Variants in FAM118B observed in about 807,000 individuals in gnomAD.
FAM118B encodes SIR2 antiphage like 1, also known as protein FAM118B.
Under a neutral mutation model 38.5 loss-of-function variants are expected in FAM118B, and 24 were observed. The observed-to-expected ratio is 0.62, with a 90% CI of 0.45 to 0.88. The LOEUF is 0.88. Among genes scored for constraint, FAM118B ranks in the 40% least tolerant of loss-of-function variants. The probability of loss-of-function intolerance (pLI) is 0.00; values close to 1 mark genes in which losing one functional copy is unlikely to be tolerated. For missense variants in FAM118B, 334 were observed against 420.0 expected (o/e 0.80, Z 1.79); for synonymous variants, 138 against 156.3 (o/e 0.88, Z 0.87).
chr11:126,235,349 A>T (rs1024689164), intron 3 of FAM118B, among the ~76,000 whole-genome samples: 1 of 152,124 alleles, frequency 6.6e-6, no homozygotes, highest in Non-Finnish European at 1.5e-5. Context: ...TCTAATGTTG[A>T]CATCCATGTT....
In FAM118B at chr11:126,262,877, G is replaced by A. The variant is rs1174961161; in HGVS notation, c.*744G>A. 1 of 152,662 alleles carries A rather than the reference G, an allele frequency of 6.6e-6. No homozygotes were observed. The highest frequency in any genetic ancestry group is 2.4e-5 in the African/African-American group (1 of 41,452). 9.5% of individuals were successfully genotyped at this position (152,662 alleles called of 1,614,324 possible). Reference sequence around the variant, plus strand: ...ACATATGTCCTAGAACTACAGTTAAGTGTGTTGTGGAATTTTAGTTTTGAA... The same window carrying A: ...ACATATGTCCTAGAACTACAGTTAAATGTGTTGTGGAATTTTAGTTTTGAA... On this transcript the variant is annotated 3_prime_UTR_variant, in exon 9 of 9. Coordinates refer to ENST00000533050, the MANE Select transcript of FAM118B (RefSeq NM_024556.4).
chr11:126,248,070 A>G (rs1007972476), intron 4 of FAM118B, among the ~76,000 whole-genome samples: 1 of 150,130 alleles, frequency 6.7e-6, no homozygotes, highest in Non-Finnish European at 1.5e-5. Flanking sequence ...CACCTGAACC[A>G]GAGAGGCAGA....
At chr11:126,218,108 A>G (rs549616153) in intron 1 of FAM118B, among the ~76,000 whole-genome samples, 97 of 152,124 alleles carry the variant, frequency 6.4e-4, no homozygotes, top group Non-Finnish European at 1.0e-3. Flanking sequence ...TTCTTGTACT[A>G]TTTCTGTGAT....
intron 2 of FAM118B, among the ~76,000 whole-genome samples, chr11:126,230,232 T>G (rs563629344): frequency 6.6e-6 from 1 of 152,356 alleles, no homozygotes; most frequent in South Asian, 2.1e-4. Context: ...ATTCATCAAC[T>G]ACCCAAGCAA....
intron 1 of FAM118B, among the ~76,000 whole-genome samples, chr11:126,215,465 G>A (rs764630706): frequency 2.7e-4 from 40 of 150,392 alleles, no homozygotes; most frequent in Admixed American, 2.4e-3. Flanking sequence ...TTGGGAGGCC[G>A]AGGTGGGCGG....
chr11:126,212,093 C>A (rs1949888624), intron 1 of FAM118B, among the ~76,000 whole-genome samples: 1 of 152,312 alleles, frequency 6.6e-6, no homozygotes, highest in East Asian at 1.9e-4. Flanking sequence ...TCCGCCAGTC[C>A]CCTGCGGGAC....
Position 126,250,668 on chromosome 11 carries a change from T to C in FAM118B, c.502T>C (p.Leu168=), listed in dbSNP as rs1186786143. 2 of 1,614,072 alleles carry C rather than the reference T, an allele frequency of 1.2e-6. No homozygotes were observed. Among genetic ancestry groups the C allele is most frequent in the Non-Finnish European group, 1.7e-6 (2 of 1,179,962 alleles). ...ATTAACTACAAATTTTGATAATCTC[T>C]TGGAACTGTATGCAGCAGATCAGGG... The part of the protein sequence containing the change: ...LVLTTNFDNL[L]ELYAADQGKQ... The change falls in exon 5 of 9, where the codon TTG becomes CTG. Residue 168 remains leucine (L), a synonymous_variant. Transcript: ENST00000533050. The surrounding 1 kb of genome is among the most constrained non-coding windows in gnomAD (Gnocchi z 5.1).
At chr11:126,234,303 T>TA (rs1950243964) in intron 2 of FAM118B, among the ~76,000 whole-genome samples, 1 of 152,228 alleles carries the variant, frequency 6.6e-6, no homozygotes, top group South Asian at 2.1e-4. Flanking sequence ...CTTAGAACTT[T>TA]ATAGTATTCA....
chr11:126,262,207 T>C lies in FAM118B; in HGVS notation c.*74T>C. On this transcript the variant is annotated 3_prime_UTR_variant, in exon 9 of 9. Coordinates refer to ENST00000533050, the MANE Select transcript of FAM118B (RefSeq NM_024556.4). ...TACAGACAGTGTTTAACAAGTAAAC[T>C]TACAAGAACCCAACACAATTCCCAG... 1 of 1,518,512 alleles carries C rather than the reference T, an allele frequency of 6.6e-7. No homozygotes were observed. Among genetic ancestry groups the C allele is most frequent in the South Asian group, 1.1e-5 (1 of 88,004 alleles). The allele number at this position is 1,518,512 out of a possible 1,614,324, so 94.1% of individuals were successfully genotyped here. A position where few individuals can be genotyped will look rare whatever the true frequency, so the allele number is the denominator to read the frequency against.
At position 126,250,719 on chromosome 11, in the gene FAM118B, A is replaced by G. The variant is rs1950492283; in HGVS notation, c.553A>G (p.Thr185Ala). The change falls in exon 5 of 9, where the codon ACT (threonine) becomes GCT (alanine). Residue 185 changes from threonine (T) to alanine (A), a missense_variant. Around this residue, in one of 3 missense-constraint regions of FAM118B, gnomAD observed 240 missense variants for 295.9 expected, o/e 0.81. Coordinates refer to ENST00000533050, the MANE Select transcript of FAM118B (RefSeq NM_024556.4). This position sits in a 1 kb window ranked among gnomAD's most constrained non-coding sequence, Gnocchi z 5.1. ...GAAACAGCTTGAATCCCTTGACCTT[A>G]CTGATGAGAAAAAGGTAAAAAGTAA... is the stretch of plus-strand genomic sequence containing the variant. ...QGKQLESLDL[T>A]DEKKVLEWAQ... 6.2e-7 allele frequency: 1 copy of G among 1,612,416 alleles called. No homozygotes were observed. Among genetic ancestry groups the G allele is most frequent in the Admixed American group, 1.7e-5 (1 of 59,950 alleles).
At position 126,255,390 on chromosome 11, in the gene FAM118B, T is replaced by C. The variant is rs1950562543; in HGVS notation, c.696+957T>C. 6.6e-6 allele frequency among the ~76,000 whole-genome samples: 1 copy of C among 152,148 alleles called. No individual in the cohort carries two copies. Among genetic ancestry groups the C allele is most frequent in the African/African-American group, 2.4e-5 (1 of 41,418 alleles). ...AAAGCACAAGGGACTTTTTTTTCTTTTTACCCATTCTTTCCCAACATCTGC... is the reference window on the plus strand; with the variant it reads ...AAAGCACAAGGGACTTTTTTTTCTTCTTACCCATTCTTTCCCAACATCTGC... On this transcript the variant is annotated intron_variant, in intron 6 of 8. Coordinates refer to ENST00000533050, the MANE Select transcript of FAM118B (RefSeq NM_024556.4). This position sits in a 1 kb window ranked among gnomAD's most constrained non-coding sequence, Gnocchi z 4.6.
chr11:126,261,270 T>C (rs962591570), intron 7 of FAM118B, 155 bp from the exon 8 acceptor site: 42 of 625,680 alleles, frequency 6.7e-5, no homozygotes, highest in African/African-American at 6.1e-4. Context: ...CAGTTTATCC[T>C]CTCTGCCTCC....
In FAM118B at chr11:126,261,437, G is replaced by C. The variant is rs548623390; in HGVS notation, c.995G>C (p.Arg332Thr). 74 of 1,613,986 alleles carry C rather than the reference G, an allele frequency of 4.6e-5. 1 individual carries two copies. The highest frequency in any genetic ancestry group is 3.1e-4 in the East Asian group (14 of 44,874). The part of the protein sequence containing the change: ...STRGTSAGMV[R>T]EGQLNGSSAA... ...GTCCTCTATTTAGCAGGGATGGTGA[G>C]AGAAGGTCAGCTAAATGGCTCATCT... Residue 332 changes from arginine to threonine, a missense_variant, in exon 8 of 9, where the codon AGA (arginine) becomes ACA (threonine). By Grantham distance (71) the Arg-to-Thr change is moderately conservative. This residue lies in a region of FAM118B where 88 missense variants were observed against 98.1 expected (regional missense o/e 0.90). Transcript: ENST00000533050.
chr11:126,235,068 C>T lies in FAM118B; in HGVS notation c.67C>T (p.Pro23Ser). ...EIFGFFNDGEPPTKKPRKLLP... is the reference protein window; with the variant it reads ...EIFGFFNDGESPTKKPRKLLP... ...TTTTGGATTCTTCAACGATGGCGAA[C>T]CTCCCACCAAAAAGCCCAGGTAAAC... The change falls in exon 3 of 9, where the codon CCT becomes TCT. Residue 23 changes from proline to serine, a missense_variant. By Grantham distance (74) the Pro-to-Ser change is moderately conservative (BLOSUM62 -1). Coordinates refer to ENST00000533050, the MANE Select transcript of FAM118B (RefSeq NM_024556.4). The T allele has an allele frequency of 6.2e-7, 1 of 1,614,004 alleles. No individual in the cohort carries two copies. The highest frequency in any genetic ancestry group is 8.5e-7 in the Non-Finnish European group (1 of 1,179,970).
intron 3 of FAM118B, among the ~76,000 whole-genome samples, chr11:126,235,871 C>CTACTT (rs766561680): frequency 0.075 from 11,458 of 152,196 alleles, 1,263 homozygotes; most frequent in African/African-American, 0.24. Context: ...AAGTAGTATT[C>CTACTT]ATAGCTGAGC....
At chr11:126,238,587 A>T (rs549804480) in intron 3 of FAM118B, among the ~76,000 whole-genome samples, 3 of 152,254 alleles carry the variant, frequency 2.0e-5, no homozygotes, top group African/African-American at 7.2e-5. Context: ...TTATATACAG[A>T]CTTTTACTTA....
intron 1 of FAM118B, among the ~76,000 whole-genome samples, chr11:126,219,641 G>C (rs1170159014): frequency 2.0e-5 from 3 of 151,976 alleles, no homozygotes; most frequent in African/African-American, 7.2e-5. Flanking sequence ...CTAAGGAGCA[G>C]GTTTGAGATC....
intron 1 of FAM118B, among the ~76,000 whole-genome samples, chr11:126,227,388 A>G (rs1261998117): frequency 1.3e-5 from 2 of 152,096 alleles, no homozygotes; most frequent in Admixed American, 1.3e-4. Context: ...ATCCTTCTTT[A>G]GTTCCTACTC....
chr11:126,220,514 G>T (rs1950050382), intron 1 of FAM118B, among the ~76,000 whole-genome samples: 1 of 151,976 alleles, frequency 6.6e-6, no homozygotes, highest in Non-Finnish European at 1.5e-5. Flanking sequence ...AGGAGTTCAA[G>T]ATCAGCCTGG....
Sources: gnomAD v4.1 joint callset for allele counts (sites outside exome capture counted in the v4.1 genomes callset) on GRCh38, gnomAD v4.1.1 for gene constraint, gnomAD v4.1.1 regional missense constraint, Gnocchi (gnomAD v3.1) non-coding constraint, MANE v1.5 for transcripts, NCBI Gene and HGNC (gene_info 2026-07-23, HGNC 2026-07-21) for gene names.